Variants in C1orf146 observed in about 807,000 individuals in gnomAD.
C1orf146 encodes the protein protein SPO16 homolog.
A neutral mutation model predicts 23.0 loss-of-function variants in C1orf146; 22 were observed. The ratio of observed to expected loss-of-function variants is 0.96; its 90% confidence interval spans 0.68 to 1.36. The LOEUF is 1.36. Among genes scored for constraint, C1orf146 ranks in the 40% most tolerant of loss-of-function variants. C1orf146 has a pLI of 0.00. For synonymous variants in C1orf146, 59 were observed against 65.3 expected (o/e 0.90, Z 0.47); for missense variants, 199 against 206.8 (o/e 0.96, Z 0.23).
intron 2 of C1orf146, among the ~76,000 whole-genome samples, chr1:92,236,336 T>C (rs1652275588): frequency 6.6e-6 from 1 of 152,210 alleles, no homozygotes; most frequent in South Asian, 2.1e-4. Flanking sequence ...TTTGCTTGTC[T>C]GTAAAGGATT....
At position 92,244,704 on chromosome 1, in the gene C1orf146, T is replaced by C; in HGVS notation, c.330-75T>C. The stretch of plus-strand genomic sequence containing the variant: ...ACAAATAACAAACAATAGAGATTTG[T>C]CTCTTCTTTCCACTTTCTTAAGAGA... On this transcript the variant is annotated intron_variant, in intron 4 of 5. Coordinates refer to ENST00000370375, the MANE Select transcript of C1orf146 (RefSeq NM_001012425.2). 10 of 932,774 alleles carry C rather than the reference T, an allele frequency of 1.1e-5. No individual in the cohort carries two copies. The South Asian group carries it at 1.5e-4, about 14-fold the overall frequency. The allele number at this position is 932,774 out of a possible 1,614,324, so 57.8% of individuals were successfully genotyped here.
chr1:92,218,133 C>T (rs967301326), intron 1 of C1orf146, 85 bp downstream of exon 1: 2 of 152,264 alleles, frequency 1.3e-5, no homozygotes, highest in African/African-American at 2.4e-5. Context: ...GCGTAGTGCT[C>T]TCTGACTTGC....
At chr1:92,225,349 C>T in intron 1 of C1orf146, among the ~76,000 whole-genome samples, 1 of 152,218 alleles carries the variant, frequency 6.6e-6, no homozygotes, top group East Asian at 1.9e-4. Context: ...TCCAGCAGTA[C>T]ACTGGCCTTG....
Position 92,236,559 on chromosome 1 carries a change from A to G in C1orf146, c.66+5073A>G, listed in dbSNP as rs568099332. Among the ~76,000 whole-genome samples, 227 of 151,652 alleles carry G rather than the reference A, an allele frequency of 1.5e-3. No individual in the cohort carries two copies. In the South Asian group the frequency reaches 0.019, roughly 13 times the overall value. ...CCTTAACATTTTTTCCTTTATTTCA[A>G]CTTTGGTGAATCTGACAATTATGTG... On this transcript the variant is annotated intron_variant, in intron 2 of 5. Transcript: ENST00000370375.
chr1:92,229,238 G>T, intron 1 of C1orf146: 1 of 553,812 alleles, frequency 1.8e-6, no homozygotes, highest in East Asian at 4.7e-5. Context: ...TGGTGGTGCC[G>T]CTGGACAGCA....
At position 92,242,266 on chromosome 1, in the gene C1orf146, G is replaced by C. The variant is rs1261239175; in HGVS notation, c.121G>C (p.Asp41His). ...TCGAAGCCACAAAGTTCGATATTCA[G>C]ATTCAGTGGAAAATGGATCAATTAT... ...ENRSHKVRYS[D>H]SVENGSIIFS... The change falls in exon 3 of 6, where the codon GAT becomes CAT. Residue 41 changes from aspartate to histidine, a missense_variant. By Grantham distance (81) the Asp-to-His change is moderately conservative. Coordinates refer to ENST00000370375, the MANE Select transcript of C1orf146 (RefSeq NM_001012425.2). 2 of 1,602,030 alleles carry C rather than the reference G, an allele frequency of 1.2e-6. No individual in the cohort carries two copies. Among genetic ancestry groups the C allele is most frequent in the South Asian group, 1.1e-5 (1 of 88,970 alleles).
chr1:92,220,674 C>G (rs921433909), intron 1 of C1orf146, among the ~76,000 whole-genome samples: 1 of 152,192 alleles, frequency 6.6e-6, no homozygotes, highest in Non-Finnish European at 1.5e-5. Flanking sequence ...ATGACTGTAT[C>G]TATAAAATAT....
chr1:92,222,535 GTTTTTTTTTTTT>G, intron 1 of C1orf146, among the ~76,000 whole-genome samples: 5 of 60,570 alleles, frequency 8.3e-5, no homozygotes, highest in South Asian at 1.3e-3. Flanking sequence ...CCCTTCTTCG[GTTTTTTTTTTTT>G]TTTTTTTTTT....
intron 2 of C1orf146, among the ~76,000 whole-genome samples, chr1:92,235,947 G>C (rs569788788): frequency 6.6e-6 from 1 of 151,302 alleles, no homozygotes; most frequent in African/African-American, 2.4e-5. Flanking sequence ...GCCTTTTTTT[G>C]TTTTCCATTT....
intron 2 of C1orf146, among the ~76,000 whole-genome samples, chr1:92,238,778 C>G (rs1652358141): frequency 6.6e-6 from 1 of 152,178 alleles, no homozygotes; most frequent in Non-Finnish European, 1.5e-5. Context: ...TACACACTCA[C>G]CATATAAGAA....
chr1:92,234,105 C>T (rs1462993084), intron 2 of C1orf146, among the ~76,000 whole-genome samples: 3 of 152,104 alleles, frequency 2.0e-5, no homozygotes, highest in African/African-American at 4.8e-5. Flanking sequence ...CCTTTATTTC[C>T]TTCTCCTGCC....
At chr1:92,222,591 CTTTT>C (rs1173817517) in intron 1 of C1orf146, among the ~76,000 whole-genome samples, 1 of 12,484 alleles carries the variant, frequency 8.0e-5, no homozygotes, top group Non-Finnish European at 2.0e-4. Context: ...TTTCTTTTTT[CTTTT>C]TTTTTTTTTG....
At chr1:92,219,492 CTT>C (rs1381435656) in intron 1 of C1orf146, among the ~76,000 whole-genome samples, 5 of 66,040 alleles carry the variant, frequency 7.6e-5, no homozygotes, top group African/African-American at 3.1e-4. Context: ...GTGACTTTCT[CTT>C]TCTTTTTTTT....
chr1:92,220,927 G>A (rs1651803642), intron 1 of C1orf146, among the ~76,000 whole-genome samples: 1 of 152,206 alleles, frequency 6.6e-6, no homozygotes, highest in African/African-American at 2.4e-5. Context: ...CAGGTTACGA[G>A]TATCTTCAAC....
intron 1 of C1orf146, among the ~76,000 whole-genome samples, chr1:92,222,380 TA>T (rs1184813510): frequency 1.5e-5 from 2 of 132,142 alleles, no homozygotes; most frequent in Non-Finnish European, 3.2e-5. Flanking sequence ...ATAACATATA[TA>T]ACATGCATGT....
chr1:92,234,985 A>G (rs1025479679), intron 2 of C1orf146, among the ~76,000 whole-genome samples: 7 of 151,932 alleles, frequency 4.6e-5, no homozygotes, highest in African/African-American at 9.7e-5. Flanking sequence ...TATTGTGTCT[A>G]TTTGATTCTT....
intron 1 of C1orf146, among the ~76,000 whole-genome samples, chr1:92,228,792 C>A (rs910306861): frequency 1.2e-4 from 18 of 152,144 alleles, no homozygotes; most frequent in African/African-American, 4.3e-4. Context: ...GGGTATTAAA[C>A]AAATACCAAG....
chr1:92,224,731 T>TC (rs781737242), intron 1 of C1orf146, among the ~76,000 whole-genome samples: 1 of 152,186 alleles, frequency 6.6e-6, no homozygotes, highest in African/African-American at 2.4e-5. Flanking sequence ...TTACTTTTTT[T>TC]CCCATTGCTT....
chr1:92,228,804 G>T (rs942828956), intron 1 of C1orf146, among the ~76,000 whole-genome samples: 3 of 152,130 alleles, frequency 2.0e-5, no homozygotes, highest in Non-Finnish European at 4.4e-5. Context: ...AATACCAAGG[G>T]GAACAGTTAA....
Sources: allele counts gnomAD v4.1 joint callset (sites outside exome capture counted in the v4.1 genomes callset), GRCh38; gene constraint gnomAD v4.1.1; transcripts MANE v1.5; gene names NCBI Gene and HGNC (gene_info 2026-07-23, HGNC 2026-07-21).